Variants in TCF20 observed in about 807,000 individuals in gnomAD.
TCF20 encodes SPRE-binding protein.
A neutral mutation model predicts 148.6 loss-of-function variants in TCF20; 3 were observed. The ratio of observed to expected loss-of-function variants is 0.02; its 90% CI spans 0.01 to 0.05. The LOEUF is 0.05. Ranked by LOEUF, TCF20 falls within the 10% of genes least tolerant of loss-of-function variation. The pLI is 1.00. For synonymous variants in TCF20, 1,049 were observed against 909.5 expected (o/e 1.15, Z -2.76); for missense variants, 2,350 against 2,429.3 (o/e 0.97, Z 0.69).
intron 2 of TCF20, among the ~76,000 whole-genome samples, chr22:42,184,731 G>C (rs1936965163): frequency 6.6e-6 from 1 of 152,126 alleles, no homozygotes; most frequent in African/African-American, 2.4e-5. Context: ...ATAAGGAATG[G>C]CCCAAACTTC....
rs1335029678 is a variant in TCF20, at chr22:42,270,557, G to C, written c.-255C>G. Among the ~76,000 whole-genome samples, 1 of 144,982 alleles carries C rather than the reference G, an allele frequency of 6.9e-6. No individual in the cohort carries two copies. The highest frequency in any genetic ancestry group is 2.0e-4 in the East Asian group (1 of 4,924). On this transcript the variant is annotated 5_prime_UTR_variant, in exon 1 of 6. Coordinates refer to ENST00000677622, the MANE Select transcript of TCF20 (RefSeq NM_001378418.1). ...TCCCCGGTCAGGCGCGCCTCAGGGC[G>C]GGCTCCCCTGGCGGAGGCCGCGGCC... is the stretch of plus-strand genomic sequence containing the variant.
At chr22:42,200,973 T>G (rs550975813) in intron 2 of TCF20, among the ~76,000 whole-genome samples, 2 of 152,196 alleles carry the variant, frequency 1.3e-5, no homozygotes, top group Non-Finnish European at 2.9e-5. Flanking sequence ...AAATCTCAGG[T>G]TGAACTGTAG....
At chr22:42,273,205 C>T (rs1024637715), upstream of TCF20, among the ~76,000 whole-genome samples, 9 of 151,362 alleles carry the variant, frequency 5.9e-5, 1 homozygote, top group East Asian at 1.7e-3. Context: ...ACTAAAAATA[C>T]AAAAATTAGC....
intron 1 of TCF20, among the ~76,000 whole-genome samples, chr22:42,332,764 C>G (rs1426634243): frequency 6.6e-6 from 1 of 152,162 alleles, no homozygotes; most frequent in Non-Finnish European, 1.5e-5. Flanking sequence ...CACCGTGCCC[C>G]GCACAGCCAA....
chr22:42,234,312 G>A lies in TCF20; in HGVS notation c.-36-18971C>T, dbSNP rs537338909. On this transcript the variant is annotated intron_variant, in intron 1 of 5. Transcript: ENST00000677622. ...GCATTTAGACTTGATTTTACTGGAC[G>A]TACCAACACCATAGGTCAACCTGTC... 3.2e-4 allele frequency among the ~76,000 whole-genome samples: 48 copies of A among 152,298 alleles called. 1 individual carries two copies. Among genetic ancestry groups the A allele is most frequent in the African/African-American group, 1.1e-3 (45 of 41,570 alleles).
At chr22:42,244,837 TGG>T (rs1924771828) in intron 1 of TCF20, among the ~76,000 whole-genome samples, 1 of 152,098 alleles carries the variant, frequency 6.6e-6, no homozygotes, top group Non-Finnish European at 1.5e-5. Context: ...CCCAACACTT[TGG>T]GAGGCTGAGG....
At chr22:42,243,219 G>C (rs1408986999) in intron 1 of TCF20, among the ~76,000 whole-genome samples, 2 of 137,478 alleles carry the variant, frequency 1.5e-5, no homozygotes, top group Non-Finnish European at 3.0e-5. Context: ...AATCTCACCT[G>C]AATCCAGCAG....
At chr22:42,215,925 T>C (rs1921727044) in intron 1 of TCF20, among the ~76,000 whole-genome samples, 1 of 152,034 alleles carries the variant, frequency 6.6e-6, no homozygotes. Flanking sequence ...GTATGTCTCA[T>C]ATATCTAATA....
At chr22:42,328,227 C>T (rs73433574) in intron 1 of TCF20, among the ~76,000 whole-genome samples, 2,447 of 152,176 alleles carry the variant, frequency 0.016, 53 homozygotes, top group African/African-American at 0.051. Context: ...GTTCTGCCCA[C>T]GTGTCCGCTC....
chr22:42,198,515 T>G (rs1746202778), intron 2 of TCF20, among the ~76,000 whole-genome samples: 1 of 152,186 alleles, frequency 6.6e-6, no homozygotes, highest in South Asian at 2.1e-4. Flanking sequence ...AAGCACATCC[T>G]CCTGTATACT....
At chr22:42,185,106 C>T (rs1453052698) in intron 2 of TCF20, among the ~76,000 whole-genome samples, 8 of 152,212 alleles carry the variant, frequency 5.3e-5, no homozygotes, top group African/African-American at 1.9e-4. Flanking sequence ...CAACCTGAAT[C>T]ATCATCCTGT....
chr22:42,234,765 GC>G (rs1279846646), intron 1 of TCF20, among the ~76,000 whole-genome samples: 1 of 152,190 alleles, frequency 6.6e-6, no homozygotes, highest in Admixed American at 6.5e-5. Flanking sequence ...TCCAAGAAGA[GC>G]ATCAAGAATT....
intron 1 of TCF20, among the ~76,000 whole-genome samples, chr22:42,218,908 A>T (rs1228666032): frequency 1.3e-5 from 2 of 152,146 alleles, no homozygotes; most frequent in Non-Finnish European, 2.9e-5. Flanking sequence ...GAAAAAAAAA[A>T]AATCCAAGGC....
intron 1 of TCF20, among the ~76,000 whole-genome samples, chr22:42,269,282 G>A (rs1018718511): frequency 1.3e-5 from 2 of 152,042 alleles, no homozygotes; most frequent in African/African-American, 2.4e-5. Context: ...AGTTACCAGA[G>A]ACATCTAATC....
intron 4 of TCF20, 26 bp from the exon 5 acceptor site, chr22:42,168,762 A>G: frequency 1.3e-6 from 2 of 1,596,586 alleles, no homozygotes; most frequent in Non-Finnish European, 1.7e-6. Context: ...CCAAGAGGAG[A>G]CAGACAGGTG....
At chr22:42,224,303 C>T (rs1922650104) in intron 1 of TCF20, among the ~76,000 whole-genome samples, 1 of 151,874 alleles carries the variant, frequency 6.6e-6, no homozygotes, top group Non-Finnish European at 1.5e-5. Context: ...AACCCCGTCT[C>T]TACTAAAAAT....
In TCF20 at chr22:42,215,085, G is replaced by C. The variant is rs1921581987; in HGVS notation, c.221C>G (p.Ser74Cys). The C allele has an allele frequency of 4.3e-6, 7 of 1,614,110 alleles. No individual in the cohort carries two copies. The highest frequency in any genetic ancestry group is 1.3e-5 in the African/African-American group (1 of 74,930). ...GAAACCCTGGTAACCTTGATGGCCAGAGGTCTCGCTAGCCATCGCTGCCGC... is the reference window on the plus strand; with the variant it reads ...GAAACCCTGGTAACCTTGATGGCCACAGGTCTCGCTAGCCATCGCTGCCGC... The part of the protein sequence containing the change: ...AAAAAMASET[S>C]GHQGYQGFRK... The change falls in exon 2 of 6, where the codon TCT becomes TGT. Residue 74 changes from serine to cysteine, a missense_variant. Around this residue, in one of 7 missense-constraint regions of TCF20, gnomAD observed 1,641 missense variants for 1,662.6 expected, o/e 0.99. Transcript: ENST00000677622.
chr22:42,168,706 G>C lies in TCF20; in HGVS notation c.5830C>G (p.Gln1944Glu). The change falls in exon 5 of 6, where the codon CAG (glutamine) becomes GAG (glutamate). Residue 1944 changes from glutamine (Q) to glutamate (E), a missense_variant. Gln to Glu is a conservative substitution (Grantham distance 29). This residue lies in a region of TCF20 where 67 missense variants were observed against 60.8 expected (regional missense o/e 1.10). Coordinates refer to ENST00000677622, the MANE Select transcript of TCF20 (RefSeq NM_001378418.1). The part of the protein sequence containing the change: ...PPLPCPLPPL[Q>E]NKTAKGSLST... The stretch of plus-strand genomic sequence containing the variant: ...AGGCTGCCTTTCGCGGTCTTGTTCT[G>C]CAAGGGGGGGAGAGGGCACGGAAGG... The C allele has an allele frequency of 2.5e-6, 4 of 1,611,258 alleles. No homozygotes were observed. The highest frequency in any genetic ancestry group is 3.4e-6 in the Non-Finnish European group (4 of 1,179,090).
intron 1 of TCF20, among the ~76,000 whole-genome samples, chr22:42,226,179 A>C (rs1922876472): frequency 6.6e-6 from 1 of 152,108 alleles, no homozygotes; most frequent in Admixed American, 6.6e-5. Flanking sequence ...AACAGTTCCC[A>C]AAAAGGGGGC....
Sources: allele counts gnomAD v4.1 joint callset (sites outside exome capture counted in the v4.1 genomes callset), GRCh38; gene constraint gnomAD v4.1.1; regional missense constraint gnomAD v4.1.1; transcripts MANE v1.5; gene names NCBI Gene and HGNC (gene_info 2026-07-23, HGNC 2026-07-21).